ZBTB8OS: variants seen among roughly 807,000 people sequenced by gnomAD.
ZBTB8OS encodes the protein tRNA splicing ligase complex subunit 1.
A neutral mutation model predicts 29.3 loss-of-function variants in ZBTB8OS; 16 were observed. That is an observed-to-expected ratio of 0.55 (90% CI 0.37 to 0.83). The LOEUF is 0.83. Among genes scored for constraint, ZBTB8OS ranks in the 40% least tolerant of loss-of-function variants. The probability of loss-of-function intolerance (pLI) is 0.00; values close to 1 mark genes in which losing one functional copy is unlikely to be tolerated. For synonymous variants in ZBTB8OS, 70 were observed against 64.6 expected, an observed-to-expected ratio of 1.08 and a Z score of -0.40; for missense variants, 160 against 196.9, an observed-to-expected ratio of 0.81 and a Z score of 1.12.
At chr1:32,645,981 C>G (rs1646797114) in intron 1 of ZBTB8OS, among the ~76,000 whole-genome samples, 1 of 152,152 alleles carries the variant, frequency 6.6e-6, no homozygotes, top group Non-Finnish European at 1.5e-5. Context: ...TGAAAATTCA[C>G]TTATGACACG....
At chr1:32,635,973 G>A (rs1645922367) in intron 1 of ZBTB8OS, among the ~76,000 whole-genome samples, 1 of 152,076 alleles carries the variant, frequency 6.6e-6, no homozygotes, top group African/African-American at 2.4e-5. Context: ...CTAACAGTCT[G>A]AACCTCCCCA....
At chr1:32,645,812 C>A (rs1646786499) in intron 1 of ZBTB8OS, among the ~76,000 whole-genome samples, 1 of 152,038 alleles carries the variant, frequency 6.6e-6, no homozygotes, top group Non-Finnish European at 1.5e-5. Context: ...TTTGTACCAC[C>A]AGTACAAATA....
intron 1 of ZBTB8OS, among the ~76,000 whole-genome samples, chr1:32,640,573 G>T (rs149202658): frequency 6.6e-6 from 1 of 152,194 alleles, no homozygotes; most frequent in East Asian, 1.9e-4. Flanking sequence ...GAAGTGCAGT[G>T]GCACAATCAC....
At chr1:32,636,057 T>TCAGCTGA (rs1645928216) in intron 1 of ZBTB8OS, among the ~76,000 whole-genome samples, 1 of 152,154 alleles carries the variant, frequency 6.6e-6, no homozygotes, top group Non-Finnish European at 1.5e-5. Context: ...GACCCTGCAC[T>TCAGCTGA]CAGCTGACAC....
intron 1 of ZBTB8OS, among the ~76,000 whole-genome samples, chr1:32,648,440 CTGT>C: frequency 6.6e-6 from 1 of 152,310 alleles, no homozygotes; most frequent in Admixed American, 6.5e-5. Context: ...CACTGCTGCA[CTGT>C]TTCTAATACC....
At chr1:32,631,332 G>A (rs1645538852) in intron 5 of ZBTB8OS, among the ~76,000 whole-genome samples, 2 of 145,728 alleles carry the variant, frequency 1.4e-5, no homozygotes, top group Middle Eastern at 3.6e-3. Context: ...TCCAGCCTGG[G>A]AGACAGAACA....
At chr1:32,649,645 CACACACACACACACACACACACATTT>C (rs1557834971) in intron 1 of ZBTB8OS, among the ~76,000 whole-genome samples, 1 of 143,738 alleles carries the variant, frequency 7.0e-6, no homozygotes, top group African/African-American at 2.7e-5. Flanking sequence ...CACACACACA[CACACACACACACACACACACACATTT>C]TTTTTTTTTT....
intron 6 of ZBTB8OS, among the ~76,000 whole-genome samples, chr1:32,622,575 TGGG>T (rs377486178): frequency 5.1e-4 from 78 of 152,210 alleles, no homozygotes; most frequent in African/African-American, 1.8e-3. Context: ...ATTTGAGAGT[TGGG>T]GGAGGGTGAG....
At chr1:32,625,153 G>A (rs888441701) in intron 6 of ZBTB8OS, among the ~76,000 whole-genome samples, 5 of 151,756 alleles carry the variant, frequency 3.3e-5, no homozygotes, top group African/African-American at 1.2e-4. Flanking sequence ...AACCTGGGAG[G>A]GGGAGGTTGC....
intron 5 of ZBTB8OS, among the ~76,000 whole-genome samples, chr1:32,629,770 T>C (rs1243119724): frequency 1.5e-5 from 2 of 134,258 alleles, no homozygotes; most frequent in African/African-American, 3.4e-5. Context: ...TTTTTTTTTT[T>C]TGAGCCAGAG....
intron 1 of ZBTB8OS, among the ~76,000 whole-genome samples, chr1:32,636,428 C>T (rs185380805): frequency 3.9e-5 from 6 of 152,140 alleles, no homozygotes; most frequent in Non-Finnish European, 7.3e-5. Context: ...CAGTTGCTCA[C>T]GCCTGTAATC....
At chr1:32,628,112 A>G (rs1645253831) in intron 5 of ZBTB8OS, among the ~76,000 whole-genome samples, 1 of 151,752 alleles carries the variant, frequency 6.6e-6, no homozygotes, top group Admixed American at 6.6e-5. Flanking sequence ...TGGGAGGCCG[A>G]AGCAGGTGGA....
chr1:32,629,530 A>G (rs962732675), intron 5 of ZBTB8OS, among the ~76,000 whole-genome samples: 3 of 152,176 alleles, frequency 2.0e-5, no homozygotes, highest in Admixed American at 6.6e-5. Context: ...AGACTCTATA[A>G]TACAGTCCGA....
intron 1 of ZBTB8OS, among the ~76,000 whole-genome samples, chr1:32,648,940 AGGCGTG>A (rs1647060010): frequency 7.0e-6 from 1 of 142,210 alleles, no homozygotes; most frequent in African/African-American, 2.7e-5. Context: ...CTGGGATTAC[AGGCGTG>A]AGCCACAGCA....
At chr1:32,625,849 G>C (rs1414430455) in intron 6 of ZBTB8OS, among the ~76,000 whole-genome samples, 2 of 151,960 alleles carry the variant, frequency 1.3e-5, no homozygotes, top group Non-Finnish European at 2.9e-5. Context: ...TATGATGGTG[G>C]TCTGAGAAGA....
At chr1:32,639,308 A>AT (rs532326421) in intron 1 of ZBTB8OS, among the ~76,000 whole-genome samples, 84 of 149,462 alleles carry the variant, frequency 5.6e-4, no homozygotes, top group Middle Eastern at 3.5e-3. Flanking sequence ...CCCAAAAAAA[A>AT]TAAAAAAAAA....
chr1:32,627,293 A>C lies in ZBTB8OS; in HGVS notation c.417+215T>G, dbSNP rs557433690. On this transcript the variant is annotated intron_variant, in intron 6 of 6. Transcript: ENST00000468695. ...TCAAATTCCACAATAATCTGAACAA[A>C]CTTGACCCTAGAACCCAATGCTGAC... Among the ~76,000 whole-genome samples, 21 of 152,306 alleles carry C rather than the reference A, an allele frequency of 1.4e-4. No homozygotes were observed. The East Asian group carries it at 4.1e-3, about 29-fold the overall frequency.
chr1:32,642,240 A>G (rs1007699300), intron 1 of ZBTB8OS, among the ~76,000 whole-genome samples: 11 of 152,288 alleles, frequency 7.2e-5, no homozygotes, highest in African/African-American at 2.4e-4. Flanking sequence ...GCGGTGGTTC[A>G]TACCTGTAAT....
At chr1:32,624,633 C>T (rs1461985887) in intron 6 of ZBTB8OS, among the ~76,000 whole-genome samples, 1 of 152,216 alleles carries the variant, frequency 6.6e-6, no homozygotes, top group Non-Finnish European at 1.5e-5. Context: ...GTGGCTCATG[C>T]CTGTAATCTC....
Sources: gnomAD v4.1 joint callset for allele counts (sites outside exome capture counted in the v4.1 genomes callset) on GRCh38, gnomAD v4.1.1 for gene constraint, MANE v1.5 for transcripts, NCBI Gene and HGNC (gene_info 2026-07-23, HGNC 2026-07-21) for gene names.